The following KIFC3 variants were observed in gnomAD, a reference collection of about 807,000 sequenced individuals.
KIFC3 encodes the protein kinesin-like protein KIFC3.
In KIFC3, 60 loss-of-function variants were observed where a neutral mutation model predicts 101.8. The observed-to-expected ratio is 0.59, with a 90% CI of 0.48 to 0.73. The LOEUF is 0.73. Ranked by LOEUF, KIFC3 falls within the 30% of genes least tolerant of loss-of-function variation. The pLI, the probability that KIFC3 is intolerant of heterozygous loss-of-function variation, is 0.00. For synonymous variants in KIFC3, 476 were observed against 482.7 expected (o/e 0.99, Z 0.18); for missense variants, 966 against 1,137.1 (o/e 0.85, Z 2.16).
chr16:57,849,434 A>C (rs2056002177), intron 1 of KIFC3, among the ~76,000 whole-genome samples: 1 of 152,188 alleles, frequency 6.6e-6, no homozygotes, highest in Admixed American at 6.5e-5. Flanking sequence ...GTTATTACTG[A>C]TTTAATTATT....
At position 57,802,244 on chromosome 16, in the gene KIFC3, G is replaced by C. The variant is rs1555625747; in HGVS notation, c.-40+126C>G. 2.6e-6 allele frequency: 1 copy of C among 392,100 alleles called. No individual in the cohort carries two copies. The highest frequency in any genetic ancestry group is 3.5e-6 in the Non-Finnish European group (1 of 287,384). The allele number at this position is 392,100 out of a possible 1,614,324, so 24.3% of individuals were successfully genotyped here. A position where few individuals can be genotyped will look rare whatever the true frequency, so the allele number is the denominator to read the frequency against. Reference sequence around the variant, plus strand: ...GTCTCCCGGGCCTTTCCCTCCCCGCGCCCATAGCGGGTCCGGGCAGAGGGG... The same window carrying C: ...GTCTCCCGGGCCTTTCCCTCCCCGCCCCCATAGCGGGTCCGGGCAGAGGGG... On this transcript the variant is annotated intron_variant, in intron 1 of 19. Coordinates refer to ENST00000445690, the MANE Select transcript of KIFC3 (RefSeq NM_001130100.2). This position sits in a 1 kb window ranked among gnomAD's most constrained non-coding sequence, Gnocchi z 5.0.
At chr16:57,807,223 G>GA (rs376858251), upstream of KIFC3, among the ~76,000 whole-genome samples, 14,837 of 143,736 alleles carry the variant, frequency 0.1, 883 homozygotes, top group African/African-American at 0.17. Flanking sequence ...TCTAAAAAAA[G>GA]AAAAAAAAAA....
chr16:57,802,717 G>T (rs1568066296), upstream of KIFC3: 1 of 792,386 alleles, frequency 1.3e-6, no homozygotes, highest in Non-Finnish European at 1.9e-6. This position sits in a 1 kb window ranked among gnomAD's most constrained non-coding sequence, Gnocchi z 5.0. Context: ...CCCGCGTCCC[G>T]CACTCGCACT....
In KIFC3 at chr16:57,758,868, A is replaced by G. The variant is rs1555592047; in HGVS notation, c.*66T>C. 1 of 1,605,246 alleles carries G rather than the reference A, an allele frequency of 6.2e-7. No individual in the cohort carries two copies. The highest frequency in any genetic ancestry group is 2.2e-5 in the East Asian group (1 of 44,766). On this transcript the variant is annotated 3_prime_UTR_variant, in exon 20 of 20. Transcript: ENST00000445690. Reference sequence around the variant, plus strand: ...CCAGTGAGGGCCCAGCTTCAGGCCCAGCGGGGTCACATCCGTCACACAGGC... The same window carrying G: ...CCAGTGAGGGCCCAGCTTCAGGCCCGGCGGGGTCACATCCGTCACACAGGC...
intron 3 of KIFC3, among the ~76,000 whole-genome samples, chr16:57,791,943 C>T (rs2053905138): frequency 6.6e-6 from 1 of 152,218 alleles, no homozygotes; most frequent in South Asian, 2.1e-4. Context: ...CACCTCGAAA[C>T]ACAAGACTGT....
At chr16:57,840,619 C>A (rs1370612151) in intron 1 of KIFC3, among the ~76,000 whole-genome samples, 1 of 151,154 alleles carries the variant, frequency 6.6e-6, no homozygotes, top group Non-Finnish European at 1.5e-5. Context: ...AATTAGCCGG[C>A]CATGGTGGCG....
chr16:57,827,141 G>GC (rs782539818), intron 1 of KIFC3, among the ~76,000 whole-genome samples: 6 of 152,344 alleles, frequency 3.9e-5, no homozygotes, highest in Non-Finnish European at 7.3e-5. Flanking sequence ...TTCAGGGTCC[G>GC]CATCAGACTA....
At chr16:57,805,832 C>T (rs1200806610), upstream of KIFC3, among the ~76,000 whole-genome samples, 2 of 152,120 alleles carry the variant, frequency 1.3e-5, no homozygotes, top group Non-Finnish European at 2.9e-5. Context: ...TGCGCCACCA[C>T]GCCCAGCTAA....
chr16:57,812,763 C>T (rs782397518), intron 1 of KIFC3, among the ~76,000 whole-genome samples: 33 of 152,186 alleles, frequency 2.2e-4, no homozygotes, highest in African/African-American at 5.3e-4. Context: ...CTGGCCAGGG[C>T]GCTCTCAGTT....
At chr16:57,841,304 G>A (rs2055805434) in intron 1 of KIFC3, among the ~76,000 whole-genome samples, 1 of 152,200 alleles carries the variant, frequency 6.6e-6, no homozygotes, top group African/African-American at 2.4e-5. Context: ...AGACCTGAAG[G>A]AGGTAGGGAA....
intron 3 of KIFC3, among the ~76,000 whole-genome samples, chr16:57,778,176 A>G (rs1445861811): frequency 6.6e-6 from 1 of 152,188 alleles, no homozygotes; most frequent in Admixed American, 6.5e-5. Context: ...GCTACTAGGG[A>G]GGCTGAGGCG....
intron 1 of KIFC3, among the ~76,000 whole-genome samples, chr16:57,856,413 G>T (rs2056168406): frequency 7.3e-6 from 1 of 137,334 alleles, no homozygotes; most frequent in Non-Finnish European, 1.6e-5. Context: ...CTGGGAGGTG[G>T]AAGTTGCAGT....
intron 18 of KIFC3, chr16:57,759,396 G>T: frequency 1.7e-6 from 1 of 600,480 alleles, no homozygotes; most frequent in Non-Finnish European, 3.0e-6. Flanking sequence ...GGGCTGCAGG[G>T]GCTGCTCTGG....
chr16:57,836,703 T>C (rs559059103), intron 1 of KIFC3, among the ~76,000 whole-genome samples: 71 of 152,218 alleles, frequency 4.7e-4, no homozygotes, highest in South Asian at 1.0e-3. Flanking sequence ...TTTGTTCTTA[T>C]TTTTTTGAGA....
At chr16:57,776,640 C>A (rs2052131057) in intron 3 of KIFC3, 1 of 154,288 alleles carries the variant, frequency 6.5e-6, no homozygotes. Flanking sequence ...CAGCACTGTA[C>A]TCCCAGTGCC....
intron 1 of KIFC3, among the ~76,000 whole-genome samples, chr16:57,845,196 C>A (rs1333091669): frequency 6.6e-6 from 1 of 152,192 alleles, no homozygotes; most frequent in Non-Finnish European, 1.5e-5. Flanking sequence ...TGACTCCGTG[C>A]AAACCCTGCA....
chr16:57,797,798 G>A, intron 2 of KIFC3: 1 of 1,362,760 alleles, frequency 7.3e-7, no homozygotes, highest in Non-Finnish European at 9.4e-7. Context: ...TGGCCAGAGG[G>A]AATGCAGCTG....
At chr16:57,811,619 A>C (rs1342571214) in intron 1 of KIFC3, among the ~76,000 whole-genome samples, 14 of 152,066 alleles carry the variant, frequency 9.2e-5, no homozygotes, top group Non-Finnish European at 2.9e-5. Context: ...GCTACTTAGA[A>C]GGCCTGAGGC....
At chr16:57,784,084 C>T (rs1012151132) in intron 3 of KIFC3, among the ~76,000 whole-genome samples, 9 of 152,236 alleles carry the variant, frequency 5.9e-5, no homozygotes, top group African/African-American at 2.2e-4. Flanking sequence ...GAGCCCTTCC[C>T]ACTTTCTGTG....
Sources: allele counts gnomAD v4.1 joint callset (sites outside exome capture counted in the v4.1 genomes callset), GRCh38; gene constraint gnomAD v4.1.1; non-coding constraint Gnocchi (gnomAD v3.1); transcripts MANE v1.5; gene names NCBI Gene and HGNC (gene_info 2026-07-23, HGNC 2026-07-21).